SNX29: variants seen among roughly 807,000 people sequenced by gnomAD.
The protein encoded by SNX29 is sorting nexin 29.
Under a neutral mutation model 102.1 loss-of-function variants are expected in SNX29, and 78 were observed. That is an observed-to-expected ratio of 0.76 (90% CI 0.64 to 0.92). The LOEUF is 0.92. Among genes scored for constraint, SNX29 ranks in the 40% least tolerant of loss-of-function variants. The pLI is 0.00. For missense variants in SNX29, 1,280 were observed against 1,061.7 expected (o/e 1.21, Z -2.86); for synonymous variants, 580 against 414.5 (o/e 1.40, Z -4.85).
At chr16:12,119,118 G>A (rs925060490) in intron 11 of SNX29, among the ~76,000 whole-genome samples, 21 of 152,188 alleles carry the variant, frequency 1.4e-4, no homozygotes, top group African/African-American at 5.1e-4. Context: ...TCAGATCTGT[G>A]TAAAAATGTG....
chr16:12,192,093 A>G (rs2076656772), intron 13 of SNX29, among the ~76,000 whole-genome samples: 1 of 152,194 alleles, frequency 6.6e-6, no homozygotes. Flanking sequence ...TCCTTTGAGT[A>G]GTGCTGTCTG....
chr16:12,225,673 G>C (rs1448018337), intron 14 of SNX29, among the ~76,000 whole-genome samples: 1 of 152,168 alleles, frequency 6.6e-6, no homozygotes, highest in African/African-American at 2.4e-5. Context: ...CCAGGTACAA[G>C]TTGTAAGGTA....
At chr16:12,567,798 A>C (rs142514005) in intron 20 of SNX29, among the ~76,000 whole-genome samples, 1 of 152,154 alleles carries the variant, frequency 6.6e-6, no homozygotes, top group African/African-American at 2.4e-5. Context: ...ACCACATCAC[A>C]GGACTTCCTG....
intron 1 of SNX29, among the ~76,000 whole-genome samples, chr16:11,988,367 A>G (rs2150979805): frequency 6.6e-6 from 1 of 151,940 alleles, no homozygotes; most frequent in South Asian, 2.1e-4. Context: ...ATTAATAGGC[A>G]TATAATTTGC....
chr16:12,186,877 G>A (rs1483175488), intron 13 of SNX29, among the ~76,000 whole-genome samples: 1 of 152,194 alleles, frequency 6.6e-6, no homozygotes, highest in East Asian at 1.9e-4. Flanking sequence ...AGACACTATA[G>A]CAAGTAGACT....
intron 19 of SNX29, among the ~76,000 whole-genome samples, chr16:12,490,684 A>G (rs1256111500): frequency 2.0e-5 from 3 of 152,246 alleles, no homozygotes; most frequent in Non-Finnish European, 4.4e-5. Flanking sequence ...AAAAGAATAC[A>G]AAGAATAGGA....
chr16:12,395,218 A>G (rs775775609), intron 16 of SNX29, among the ~76,000 whole-genome samples: 12 of 152,206 alleles, frequency 7.9e-5, no homozygotes, highest in Non-Finnish European at 1.5e-4. Context: ...CTTGCCAGTC[A>G]AAGTGGCAGG....
At chr16:12,476,351 CAAAAAAAAAAAAAAAAAAA>C (rs150729550) in intron 18 of SNX29, among the ~76,000 whole-genome samples, 3 of 9,046 alleles carry the variant, frequency 3.3e-4, no homozygotes, top group African/African-American at 9.0e-4. Context: ...CGACATTTCT[CAAAAAAAAAAAAAAAAAAA>C]AAAAAAAAAA....
chr16:12,227,482 A>G (rs1006087846), intron 14 of SNX29, among the ~76,000 whole-genome samples: 14 of 152,222 alleles, frequency 9.2e-5, no homozygotes, highest in Non-Finnish European at 1.5e-4. Flanking sequence ...CACAGAAATG[A>G]CCAACTCAAT....
At chr16:12,360,528 T>TG (rs1316061592) in intron 16 of SNX29, among the ~76,000 whole-genome samples, 1 of 152,156 alleles carries the variant, frequency 6.6e-6, no homozygotes, top group Non-Finnish European at 1.5e-5. Flanking sequence ...CAGGTGGTGG[T>TG]GTGTGTTTCC....
At chr16:12,530,805 C>G (rs2076911690) in intron 20 of SNX29, among the ~76,000 whole-genome samples, 1 of 152,330 alleles carries the variant, frequency 6.6e-6, no homozygotes, top group African/African-American at 2.4e-5. Context: ...ATCCACCCGC[C>G]TTGGCCTCCC....
At chr16:12,546,712 A>G (rs2077627449) in intron 20 of SNX29, 1 of 152,210 alleles carries the variant, frequency 6.6e-6, no homozygotes, top group African/African-American at 2.4e-5. Flanking sequence ...TAAAGCTATT[A>G]TTTTGACTAG....
At chr16:12,462,945 C>T (rs140674538) in intron 18 of SNX29, among the ~76,000 whole-genome samples, 15 of 152,320 alleles carry the variant, frequency 9.8e-5, no homozygotes, top group Non-Finnish European at 1.6e-4. Context: ...CTGCTATGAT[C>T]GCTGGATCCC....
chr16:12,441,422 A>G (rs758855198), intron 18 of SNX29, among the ~76,000 whole-genome samples: 1 of 151,900 alleles, frequency 6.6e-6, no homozygotes, highest in Non-Finnish European at 1.5e-5. Context: ...ATAATATTTC[A>G]TTGTTTGGGT....
Position 12,569,719 on chromosome 16 carries a change from C to G in SNX29, c.*1090C>G, listed in dbSNP as rs1012129221. The G allele has an allele frequency of 4.3e-6, 1 of 230,476 alleles. No homozygotes were observed. The highest frequency in any genetic ancestry group is 1.8e-4 in the South Asian group (1 of 5,488). 14.3% of individuals were successfully genotyped at this position (230,476 alleles called of 1,614,324 possible). On this transcript the variant is annotated 3_prime_UTR_variant, in exon 21 of 21. Transcript: ENST00000566228. ...AGGTGGAGAGGAGGATGGGGACCAGCAGCTGGGCAGCCCCCAGGGCTCCTC... is the reference window on the plus strand; with the variant it reads ...AGGTGGAGAGGAGGATGGGGACCAGGAGCTGGGCAGCCCCCAGGGCTCCTC...
At chr16:12,103,931 C>T (rs1293544052) in intron 11 of SNX29, among the ~76,000 whole-genome samples, 2 of 152,182 alleles carry the variant, frequency 1.3e-5, no homozygotes. Flanking sequence ...TCAATTTATT[C>T]TTCATTCCTA....
intron 18 of SNX29, among the ~76,000 whole-genome samples, chr16:12,420,282 G>C (rs1426336982): frequency 6.6e-6 from 1 of 152,234 alleles, no homozygotes; most frequent in Admixed American, 6.5e-5. Context: ...AAATGAATGA[G>C]TTGATAGCCC....
chr16:12,090,001 A>G (rs2052430670), intron 11 of SNX29: 1 of 189,394 alleles, frequency 5.3e-6, no homozygotes, highest in African/African-American at 2.4e-5. Context: ...CCCGTGAGTC[A>G]TAGAGCTGTG....
At chr16:12,456,582 TTGGTAGTGTGTGCACC>T (rs1319693182) in intron 18 of SNX29, among the ~76,000 whole-genome samples, 1 of 151,816 alleles carries the variant, frequency 6.6e-6, no homozygotes, top group Admixed American at 6.6e-5. Flanking sequence ...GTGTGAGTAC[TTGGTAGTGTGTGCACC>T]TGGTAGTGTG....
Sources: allele counts gnomAD v4.1 joint callset (sites outside exome capture counted in the v4.1 genomes callset), GRCh38; gene constraint gnomAD v4.1.1; transcripts MANE v1.5; gene names NCBI Gene and HGNC (gene_info 2026-07-23, HGNC 2026-07-21).